AFF4: variants seen among roughly 807,000 people sequenced by gnomAD.
AFF4 encodes the protein AF4/FMR2 family member 4.
In AFF4, 13 loss-of-function variants were observed where a neutral mutation model predicts 124.8. That is an observed-to-expected ratio of 0.10 (90% CI 0.07 to 0.17). The LOEUF (loss-of-function observed/expected upper bound fraction) is 0.17, where lower values mean the gene tolerates loss of function less well. Ranked by LOEUF, AFF4 falls within the 10% of genes least tolerant of loss-of-function variation. The pLI is 1.00. For missense variants in AFF4, 1,092 were observed against 1,403.8 expected, an observed-to-expected ratio of 0.78 and a Z score of 3.55; for synonymous variants, 477 against 496.1, an observed-to-expected ratio of 0.96 and a Z score of 0.51.
chr5:132,876,263 T>C lies in AFF4; in HGVS notation c.*4796A>G. The C allele has an allele frequency of 5.1e-6, 1 of 194,322 alleles. No homozygotes were observed. Among genetic ancestry groups the C allele is most frequent in the East Asian group, 8.6e-5 (1 of 11,680 alleles). The allele number at this position is 194,322 out of a possible 1,614,324, so 12.0% of individuals were successfully genotyped here. On this transcript the variant is annotated 3_prime_UTR_variant, in exon 21 of 21. Coordinates refer to ENST00000265343, the MANE Select transcript of AFF4 (RefSeq NM_014423.4). ...GTTAATGATTTGCCAGGTGTGTGCA[T>C]AAAGTTGTAAAATGGGGACACTTCT...
intron 5 of AFF4, chr5:132,926,195 TA>T: frequency 8.4e-6 from 4 of 473,504 alleles, no homozygotes; most frequent in East Asian, 5.5e-5. Context: ...TACATGAATA[TA>T]AAAAAGACTT....
At chr5:132,941,014 G>A (rs181548578) in intron 1 of AFF4, among the ~76,000 whole-genome samples, 5 of 142,466 alleles carry the variant, frequency 3.5e-5, no homozygotes, top group Admixed American at 7.2e-5. Context: ...GTGACAAAAC[G>A]AAACTACATC....
At chr5:132,959,997 C>T (rs1421084974) in intron 1 of AFF4, among the ~76,000 whole-genome samples, 3 of 151,936 alleles carry the variant, frequency 2.0e-5, no homozygotes, top group African/African-American at 7.3e-5. Flanking sequence ...CCTCGTGATC[C>T]GCCAGCCTCA....
rs1054741670 is a variant in AFF4, at chr5:132,947,931, G to A, written c.-4-10738C>T. Reference sequence around the variant, plus strand: ...GGTTTAAAATAATGTAGTGAAAAACGTGAAAACAAAGATAACAATTCCACA... The same window carrying A: ...GGTTTAAAATAATGTAGTGAAAAACATGAAAACAAAGATAACAATTCCACA... On this transcript the variant is annotated intron_variant, in intron 1 of 20. Transcript: ENST00000265343. 3.9e-5 allele frequency among the ~76,000 whole-genome samples: 6 copies of A among 152,152 alleles called. No individual in the cohort carries two copies. The East Asian group carries it at 5.8e-4, about 15-fold the overall frequency.
chr5:132,879,725 A>G lies in AFF4; in HGVS notation c.*1334T>C, dbSNP rs1178231457. 2.3e-5 allele frequency: 5 copies of G among 214,462 alleles called. No individual in the cohort carries two copies. Among genetic ancestry groups the G allele is most frequent in the African/African-American group, 9.0e-5 (4 of 44,316 alleles). The allele number at this position is 214,462 out of a possible 1,614,324, so 13.3% of individuals were successfully genotyped here. A position where few individuals can be genotyped will look rare whatever the true frequency, so the allele number is the denominator to read the frequency against. ...GACTTCTATATGCACCTTGTAGCAA[A>G]AGGTACTTTGATATACAACTCTTAC... On this transcript the variant is annotated 3_prime_UTR_variant, in exon 21 of 21. Transcript: ENST00000265343.
chr5:132,882,869 A>AG (rs2150063147), intron 20 of AFF4, among the ~76,000 whole-genome samples: 1 of 151,516 alleles, frequency 6.6e-6, no homozygotes, highest in Non-Finnish European at 1.5e-5. Flanking sequence ...AAAAAAAAAA[A>AG]AAAATTTCTA....
intron 14 of AFF4, among the ~76,000 whole-genome samples, chr5:132,888,366 G>C (rs1227798913): frequency 6.6e-6 from 1 of 151,718 alleles, no homozygotes; most frequent in Non-Finnish European, 1.5e-5. Flanking sequence ...AACCTAATTA[G>C]GAAAACAGAA....
chr5:132,914,952 TATAGCTACTA>T (rs1235532092), intron 5 of AFF4, among the ~76,000 whole-genome samples: 4 of 152,194 alleles, frequency 2.6e-5, no homozygotes, highest in Non-Finnish European at 5.9e-5. Context: ...TGAGTAGCCC[TATAGCTACTA>T]AAGAAGTCTA....
chr5:132,921,796 C>T (rs933647822), intron 5 of AFF4, among the ~76,000 whole-genome samples: 3 of 151,788 alleles, frequency 2.0e-5, no homozygotes, highest in African/African-American at 7.3e-5. Context: ...TTTCTTTCCC[C>T]CCCAGAGAGA....
Position 132,963,389 on chromosome 5 carries a change from CTCCGGGAGGCGGCGGGGGT to C in AFF4, c.-154_-136del. ...GTGACAGGCTGCCAAGGGCGAGGGG[CTCCGGGAGGCGGCGGGGGT>C]TCCGGAGGCCTCGACAAACGAAGGC... On this transcript the variant is annotated 5_prime_UTR_variant, in exon 1 of 21. Coordinates refer to ENST00000265343, the MANE Select transcript of AFF4 (RefSeq NM_014423.4). The C allele has an allele frequency of 2.5e-6, 1 of 397,994 alleles. No homozygotes were observed. Among genetic ancestry groups the C allele is most frequent in the Non-Finnish European group, 4.4e-6 (1 of 225,582 alleles). 24.7% of individuals were successfully genotyped at this position (397,994 alleles called of 1,614,324 possible).
intron 20 of AFF4, among the ~76,000 whole-genome samples, chr5:132,882,347 G>T (rs1323126221): frequency 6.6e-6 from 1 of 152,024 alleles, no homozygotes; most frequent in Non-Finnish European, 1.5e-5. Context: ...GTGACAAAAT[G>T]ACACTTGATT....
chr5:132,887,851 G>A lies in AFF4; in HGVS notation c.2928C>T (p.Leu976=), dbSNP rs1760154582. ...PFPMYSETVD[L]IKYTMKLKNY... ...TGCCAAGTTTTTCCACTTACTTGATGAGATCCACCGTCTCTGAATACATAG... is the reference window on the plus strand; with the variant it reads ...TGCCAAGTTTTTCCACTTACTTGATAAGATCCACCGTCTCTGAATACATAG... Residue 976 remains leucine, a synonymous_variant, in exon 16 of 21, where the codon CTC becomes CTT. Transcript: ENST00000265343. The A allele has an allele frequency of 6.2e-7, 1 of 1,611,946 alleles. No homozygotes were observed. Among genetic ancestry groups the A allele is most frequent in the Non-Finnish European group, 8.5e-7 (1 of 1,179,496 alleles).
chr5:132,899,702 C>G, intron 7 of AFF4, 61 bp from the exon 8 acceptor site: 1 of 1,403,994 alleles, frequency 7.1e-7, no homozygotes, highest in South Asian at 1.2e-5. Context: ...TGCCAGAGTA[C>G]TAAATATCTA....
chr5:132,914,732 T>A (rs1315138598), intron 5 of AFF4, among the ~76,000 whole-genome samples: 1 of 151,956 alleles, frequency 6.6e-6, no homozygotes, highest in Non-Finnish European at 1.5e-5. Context: ...TGACAATCTC[T>A]AGCCAGGACA....
chr5:132,911,937 G>T (rs1195398300), intron 5 of AFF4, among the ~76,000 whole-genome samples: 1 of 151,764 alleles, frequency 6.6e-6, no homozygotes, highest in African/African-American at 2.4e-5. Flanking sequence ...TAGTTGCAAG[G>T]GGGCAAGGTC....
Position 132,896,908 on chromosome 5 carries a change from A to G in AFF4, c.1722T>C (p.Ala574=). 1 of 1,614,148 alleles carries G rather than the reference A, an allele frequency of 6.2e-7. No homozygotes were observed. The highest frequency in any genetic ancestry group is 8.5e-7 in the Non-Finnish European group (1 of 1,180,016). The stretch of plus-strand genomic sequence containing the variant: ...TCAGGCCTCCACGAGGCTCTTCAGC[A>G]GCTGCCTTCTCAGCCTTTTTGGGTT... ...KKQPKKAEKA[A]AEEPRGGLKI... is the part of the protein sequence containing the mutation. Residue 574 remains alanine, a synonymous_variant, in exon 11 of 21, where the codon GCT becomes GCC. Transcript: ENST00000265343.
chr5:132,960,007 A>C (rs1018981690), intron 1 of AFF4, among the ~76,000 whole-genome samples: 17 of 151,784 alleles, frequency 1.1e-4, no homozygotes, highest in Non-Finnish European at 4.4e-5. Flanking sequence ...CGCCAGCCTC[A>C]GCCTCCCAAA....
In AFF4 at chr5:132,880,701, A is replaced by C. The variant is rs1759952610; in HGVS notation, c.*358T>G. On this transcript the variant is annotated 3_prime_UTR_variant, in exon 21 of 21. Coordinates refer to ENST00000265343, the MANE Select transcript of AFF4 (RefSeq NM_014423.4). ...TTCAACAGAGTAAATTTATAGGCAG[A>C]AATAACTAAGTCTTAAACTAGCCCC... The C allele has an allele frequency of 3.4e-6, 1 of 291,406 alleles. No homozygotes were observed. The highest frequency in any genetic ancestry group is 5.0e-5 in the Admixed American group (1 of 19,824). 18.1% of individuals were successfully genotyped at this position (291,406 alleles called of 1,614,324 possible).
intron 3 of AFF4, among the ~76,000 whole-genome samples, chr5:132,932,871 T>A (rs1042728048): frequency 3.3e-5 from 5 of 152,196 alleles, no homozygotes; most frequent in Non-Finnish European, 7.3e-5. Flanking sequence ...ATCATGTTGT[T>A]TAAGGAAAGA....
Sources: allele counts gnomAD v4.1 joint callset (sites outside exome capture counted in the v4.1 genomes callset), GRCh38; gene constraint gnomAD v4.1.1; transcripts MANE v1.5; gene names NCBI Gene and HGNC (gene_info 2026-07-23, HGNC 2026-07-21).